The following RPS6KA2 variants were observed in gnomAD, a reference collection of about 807,000 sequenced individuals.
RPS6KA2 encodes the protein ribosomal protein S6 kinase alpha-2.
Under a neutral mutation model 91.8 loss-of-function variants are expected in RPS6KA2, and 42 were observed. The observed-to-expected ratio is 0.46, with a 90% CI of 0.36 to 0.59. The LOEUF (loss-of-function observed/expected upper bound fraction) is 0.59, where lower values mean the gene tolerates loss of function less well. Among genes scored for constraint, RPS6KA2 ranks in the 20% least tolerant of loss-of-function variants. The pLI, the probability that RPS6KA2 is intolerant of heterozygous loss-of-function variation, is 0.00. For missense variants in RPS6KA2, 798 were observed against 978.5 expected, an observed-to-expected ratio of 0.82 and a Z score of 2.46; for synonymous variants, 414 against 393.6, an observed-to-expected ratio of 1.05 and a Z score of -0.61.
chr6:166,447,631 G>C (rs1435888764), intron 14 of RPS6KA2, among the ~76,000 whole-genome samples: 1 of 152,206 alleles, frequency 6.6e-6, no homozygotes, highest in Non-Finnish European at 1.5e-5. Context: ...CAAAATGTCA[G>C]TGGAGCTCTG....
intron 1 of RPS6KA2, among the ~76,000 whole-genome samples, chr6:166,564,414 C>G (rs1172026669): frequency 6.6e-6 from 1 of 152,202 alleles, no homozygotes; most frequent in African/African-American, 2.4e-5. Context: ...AAACATTCTG[C>G]ACTGCAGAGG....
chr6:166,701,984 A>T, intron 2 of RPS6KA2: 1 of 1,023,266 alleles, frequency 9.8e-7, no homozygotes, highest in Non-Finnish European at 1.6e-6. Context: ...ATTTTGAGCT[A>T]AAATCTTCAA....
chr6:166,722,310 C>A (rs141889646), intron 2 of RPS6KA2, among the ~76,000 whole-genome samples: 1 of 152,176 alleles, frequency 6.6e-6, no homozygotes, highest in East Asian at 1.9e-4. Context: ...AAGCTGAAGA[C>A]GCTTAGAGTG....
intron 2 of RPS6KA2, among the ~76,000 whole-genome samples, chr6:166,841,784 A>G (rs1330551269): frequency 6.6e-6 from 1 of 152,168 alleles, no homozygotes; most frequent in Non-Finnish European, 1.5e-5. Flanking sequence ...CCCCGTGACC[A>G]CTCTCTAAAG....
Position 166,717,010 on chromosome 6 carries a change from G to A in RPS6KA2, c.123+141190C>T, listed in dbSNP as rs140931733. On this transcript the variant is annotated intron_variant, in intron 2 of 21. Transcript: ENST00000503859. ...TGCTCATGGCTGTGTAGGAGGATCCGGAGCCAGAAGGAGCAGGGAGTGAGG... is the reference window on the plus strand; with the variant it reads ...TGCTCATGGCTGTGTAGGAGGATCCAGAGCCAGAAGGAGCAGGGAGTGAGG... Among the ~76,000 whole-genome samples, 1,077 of 152,316 alleles carry A rather than the reference G, an allele frequency of 7.1e-3. 6 individuals carry two copies. Among genetic ancestry groups the A allele is most frequent in the Non-Finnish European group, 8.7e-3 (590 of 68,028 alleles).
At position 166,669,309 on chromosome 6, in the gene RPS6KA2, G is replaced by A. The variant is rs1487343915; in HGVS notation, c.124-130525C>T. ...CTCTGGCACCCTCTATTCACAGGGT[G>A]CATGGGGCAGTGGACATGGAACATG... On this transcript the variant is annotated intron_variant, in intron 2 of 21. Coordinates refer to the RPS6KA2 transcript ENST00000503859. Among the ~76,000 whole-genome samples the A allele has an allele frequency of 3.3e-5, 5 of 152,200 alleles. No individual in the cohort carries two copies. The East Asian group carries it at 9.6e-4, about 29-fold the overall frequency.
In RPS6KA2 at chr6:166,419,843, T is replaced by G. The variant is rs1778661221; in HGVS notation, c.1820+39A>C. ...AGATCAGCCACTGAGGCTGCTGCCCTGTGTCTCCTCCTGACACCTGTTTGA... is the reference window on the plus strand; with the variant it reads ...AGATCAGCCACTGAGGCTGCTGCCCGGTGTCTCCTCCTGACACCTGTTTGA... On this transcript the variant is annotated intron_variant, in intron 18 of 20. Coordinates refer to ENST00000265678, the MANE Select transcript of RPS6KA2 (RefSeq NM_021135.6). The surrounding 1 kb of genome is among the most constrained non-coding windows in gnomAD (Gnocchi z 5.6). The G allele has an allele frequency of 3.8e-6, 6 of 1,575,892 alleles. No individual in the cohort carries two copies. Among genetic ancestry groups the G allele is most frequent in the Non-Finnish European group, 5.2e-6 (6 of 1,145,944 alleles).
At chr6:166,698,439 T>C (rs558033209) in intron 2 of RPS6KA2, among the ~76,000 whole-genome samples, 1 of 152,298 alleles carries the variant, frequency 6.6e-6, no homozygotes, top group African/African-American at 2.4e-5. Flanking sequence ...ACAGTCATTG[T>C]GGAGTGAGAG....
At chr6:166,485,465 T>C (rs1283004667) in intron 10 of RPS6KA2, among the ~76,000 whole-genome samples, 1 of 151,828 alleles carries the variant, frequency 6.6e-6, no homozygotes, top group African/African-American at 2.4e-5. Flanking sequence ...GCTGGGAGGG[T>C]TACTTCCTCC....
At chr6:166,827,633 G>A (rs148077395) in intron 2 of RPS6KA2, among the ~76,000 whole-genome samples, 23 of 152,260 alleles carry the variant, frequency 1.5e-4, no homozygotes, top group South Asian at 2.1e-4. Flanking sequence ...ATTCTGTTGC[G>A]TACTGAAAAT....
chr6:166,464,955 C>T (rs1025206862), intron 11 of RPS6KA2, among the ~76,000 whole-genome samples: 2 of 151,830 alleles, frequency 1.3e-5, no homozygotes, highest in Non-Finnish European at 2.9e-5. Context: ...CTGAAGACCC[C>T]GGGGACAGCA....
chr6:166,437,511 C>T lies in RPS6KA2; in HGVS notation c.1333-5021G>A, dbSNP rs979160553. 8.5e-5 allele frequency among the ~76,000 whole-genome samples: 13 copies of T among 152,154 alleles called. No individual in the cohort carries two copies. Among genetic ancestry groups the T allele is most frequent in the Non-Finnish European group, 7.3e-5 (5 of 68,034 alleles). On this transcript the variant is annotated intron_variant, in intron 14 of 20. Transcript: ENST00000265678. The surrounding 1 kb of genome is among the most constrained non-coding windows in gnomAD (Gnocchi z 4.3). Reference sequence around the variant, plus strand: ...CAGCTTTCTTTTTCTCATCTGGCAACAGCTGGTTAGAAAGGACTCCTACAA... The same window carrying T: ...CAGCTTTCTTTTTCTCATCTGGCAATAGCTGGTTAGAAAGGACTCCTACAA...
At chr6:166,549,376 T>C (rs1418055678) in intron 1 of RPS6KA2, among the ~76,000 whole-genome samples, 1 of 152,240 alleles carries the variant, frequency 6.6e-6, no homozygotes, top group African/African-American at 2.4e-5. Flanking sequence ...AGCAGCTTTA[T>C]TTGTGATGCA....
intron 2 of RPS6KA2, among the ~76,000 whole-genome samples, chr6:166,725,889 C>T (rs1033243333): frequency 2.6e-5 from 4 of 152,320 alleles, no homozygotes; most frequent in South Asian, 2.1e-4. Context: ...AGGCAGAGGG[C>T]GCATCACTTG....
chr6:166,593,277 AAATAG>A (rs1785416568), intron 1 of RPS6KA2, among the ~76,000 whole-genome samples: 1 of 152,240 alleles, frequency 6.6e-6, no homozygotes, highest in African/African-American at 2.4e-5. Context: ...CAACAGAACA[AAATAG>A]AATAGAATGA....
chr6:166,634,894 ACT>A (rs1787185843), intron 2 of RPS6KA2, among the ~76,000 whole-genome samples: 1 of 152,010 alleles, frequency 6.6e-6, no homozygotes, highest in Admixed American at 6.6e-5. Flanking sequence ...GAGCCACTAC[ACT>A]CAGTGTTCAT....
rs1469806019 is a variant in RPS6KA2 at position 166,587,665 on chromosome 6, A to ATT, written c.99+39254_99+39255dup. Among the ~76,000 whole-genome samples, 163 of 110,260 alleles carry ATT rather than the reference A, an allele frequency of 1.5e-3. 2 individuals are homozygous for ATT. In the East Asian group the frequency reaches 0.039, roughly 27 times the overall value. The allele number at this position is 110,260 out of a possible 152,430, so 72.3% of individuals were successfully genotyped here. On this transcript the variant is annotated intron_variant, in intron 1 of 20. Transcript: ENST00000265678. ...AAAAGCAAACCAGCATAAAATAAAT[A>ATT]TTATATATATATATACACACACAAA...
intron 2 of RPS6KA2, among the ~76,000 whole-genome samples, chr6:166,644,423 G>A (rs1582978750): frequency 6.6e-6 from 1 of 152,128 alleles, no homozygotes; most frequent in African/African-American, 2.4e-5. Context: ...AGTTATTCTT[G>A]TGATTACATG....
intron 11 of RPS6KA2, among the ~76,000 whole-genome samples, chr6:166,460,292 T>G (rs1780232181): frequency 6.6e-6 from 1 of 152,252 alleles, no homozygotes; most frequent in Non-Finnish European, 1.5e-5. Flanking sequence ...CAGAGCTGCC[T>G]GCCTGACAAT....
Sources: allele counts gnomAD v4.1 joint callset (sites outside exome capture counted in the v4.1 genomes callset), GRCh38; gene constraint gnomAD v4.1.1; non-coding constraint Gnocchi (gnomAD v3.1); transcripts MANE v1.5; gene names NCBI Gene and HGNC (gene_info 2026-07-23, HGNC 2026-07-21).